The following NR3C2 variants were observed in gnomAD, a reference collection of about 807,000 sequenced individuals.
NR3C2 encodes mineralocorticoid receptor.
In NR3C2, 15 loss-of-function variants were observed where a neutral mutation model predicts 86.4. The observed-to-expected ratio is 0.17, with a 90% CI of 0.12 to 0.27. The LOEUF is 0.27. Among genes scored for constraint, NR3C2 ranks in the 10% least tolerant of loss-of-function variants. The pLI is 1.00. For synonymous variants in NR3C2, 458 were observed against 450.5 expected, an observed-to-expected ratio of 1.02 and a Z score of -0.21; for missense variants, 960 against 1,195.6, an observed-to-expected ratio of 0.80 and a Z score of 2.91.
intron 2 of NR3C2, among the ~76,000 whole-genome samples, chr4:148,412,797 G>A (rs1482361817): frequency 4.1e-5 from 6 of 146,948 alleles, no homozygotes; most frequent in Non-Finnish European, 7.5e-5. Context: ...ATGCACATAC[G>A]TGCATACACA....
chr4:148,159,510 G>T (rs1204296419), intron 4 of NR3C2, among the ~76,000 whole-genome samples: 2 of 152,124 alleles, frequency 1.3e-5, no homozygotes, highest in African/African-American at 4.8e-5. Flanking sequence ...TGCTCACCAT[G>T]ACCCTATGAT....
chr4:148,350,980 T>C (rs934195693), intron 2 of NR3C2, among the ~76,000 whole-genome samples: 4 of 152,168 alleles, frequency 2.6e-5, no homozygotes, highest in Non-Finnish European at 2.9e-5. Context: ...ATAAAATACA[T>C]GTTCATTTGA....
At chr4:148,329,866 C>T (rs1744147260) in intron 2 of NR3C2, among the ~76,000 whole-genome samples, 1 of 152,194 alleles carries the variant, frequency 6.6e-6, no homozygotes, top group South Asian at 2.1e-4. Flanking sequence ...GAAGTTATAA[C>T]TAAACATGTT....
chr4:148,241,043 C>T (rs562313304), intron 3 of NR3C2, among the ~76,000 whole-genome samples: 107 of 152,132 alleles, frequency 7.0e-4, no homozygotes, highest in Middle Eastern at 3.4e-3. Flanking sequence ...CGGTGGCTCA[C>T]GCCTGTAATC....
chr4:148,221,572 T>A (rs1033073326), intron 3 of NR3C2, among the ~76,000 whole-genome samples: 3 of 152,198 alleles, frequency 2.0e-5, no homozygotes, highest in African/African-American at 7.2e-5. Flanking sequence ...AAAACATATC[T>A]TTATTCTACT....
chr4:148,114,014 T>G (rs1181053700), intron 8 of NR3C2, 90 bp downstream of exon 8: 5 of 1,496,512 alleles, frequency 3.3e-6, no homozygotes, highest in Non-Finnish European at 4.6e-6. Flanking sequence ...CATGACACCC[T>G]GAAAACTCTC....
At chr4:148,189,469 A>G (rs1736094975) in intron 4 of NR3C2, among the ~76,000 whole-genome samples, 1 of 152,134 alleles carries the variant, frequency 6.6e-6, no homozygotes, top group Non-Finnish European at 1.5e-5. Context: ...TTTAGCATCT[A>G]TGTGCATCGG....
intron 6 of NR3C2, among the ~76,000 whole-genome samples, chr4:148,130,078 T>C (rs1340110875): frequency 2.0e-5 from 3 of 152,186 alleles, no homozygotes; most frequent in African/African-American, 7.2e-5. Flanking sequence ...TGTGTTTTTA[T>C]TGCAAGCTAT....
chr4:148,154,707 A>G lies in NR3C2; in HGVS notation c.2209T>C (p.Ser737Pro). ...ATGTTTTCAAGGACCATAACGGGGGAAGGTGTGAGCGCTCGTGAGATTGTG... is the reference window on the plus strand; with the variant it reads ...ATGTTTTCAAGGACCATAACGGGGGGAGGTGTGAGCGCTCGTGAGATTGTG... The part of the protein sequence containing the change: ...LSTISRALTP[S>P]PVMVLENIEP... Residue 737 changes from serine (S) to proline (P), a missense_variant, in exon 5 of 9, where the codon TCC (serine) becomes CCC (proline). Physicochemically the swap from Ser to Pro is moderately conservative, Grantham distance 74 (BLOSUM62 -1). Transcript: ENST00000358102. The G allele has an allele frequency of 6.2e-7, 1 of 1,612,956 alleles. No homozygotes were observed.
At chr4:148,334,647 AC>A (rs1316491114) in intron 2 of NR3C2, among the ~76,000 whole-genome samples, 11 of 152,250 alleles carry the variant, frequency 7.2e-5, no homozygotes, top group African/African-American at 2.7e-4. Flanking sequence ...AAGAAAAGGA[AC>A]AACCAATGTA....
At chr4:148,385,834 G>A (rs977447516) in intron 2 of NR3C2, among the ~76,000 whole-genome samples, 4 of 152,086 alleles carry the variant, frequency 2.6e-5, no homozygotes, top group African/African-American at 9.7e-5. Context: ...GTGTTGCTGA[G>A]GCAAGACCCC....
intron 2 of NR3C2, among the ~76,000 whole-genome samples, chr4:148,424,063 T>C (rs1749412419): frequency 6.6e-6 from 1 of 152,212 alleles, no homozygotes; most frequent in Non-Finnish European, 1.5e-5. Context: ...CTAGGTCTTC[T>C]ATCAAAAAGT....
At chr4:148,132,024 T>TA (rs1733065304) in intron 6 of NR3C2, among the ~76,000 whole-genome samples, 1 of 152,218 alleles carries the variant, frequency 6.6e-6, no homozygotes. Context: ...ATAAATCCTA[T>TA]ATATAGTATT....
intron 2 of NR3C2, among the ~76,000 whole-genome samples, chr4:148,349,166 A>T (rs956828295): frequency 6.6e-6 from 1 of 152,126 alleles, no homozygotes; most frequent in Middle Eastern, 3.2e-3. Context: ...CCTTACCATT[A>T]ACCCAGAACC....
chr4:148,127,656 ATCT>A (rs1246090541), intron 6 of NR3C2, among the ~76,000 whole-genome samples: 20 of 152,254 alleles, frequency 1.3e-4, no homozygotes, highest in Non-Finnish European at 1.5e-5. Context: ...ATTTCTAAAT[ATCT>A]TCTTATTTGC....
intron 3 of NR3C2, among the ~76,000 whole-genome samples, chr4:148,203,321 A>T (rs557722885): frequency 4.9e-5 from 7 of 141,940 alleles, no homozygotes; most frequent in Non-Finnish European, 7.7e-5. Flanking sequence ...TTCCCTATTT[A>T]AAAAAAAAAA....
chr4:148,383,559 A>G (rs1295644833), intron 2 of NR3C2, among the ~76,000 whole-genome samples: 4 of 152,226 alleles, frequency 2.6e-5, no homozygotes, highest in Non-Finnish European at 5.9e-5. Context: ...GGAATTTACC[A>G]TACCAAAATG....
chr4:148,099,854 T>C (rs774889087), intron 8 of NR3C2, among the ~76,000 whole-genome samples: 2 of 152,156 alleles, frequency 1.3e-5, no homozygotes, highest in African/African-American at 2.4e-5. Context: ...TCTAGAAACA[T>C]AGCCTGTAGG....
intron 8 of NR3C2, among the ~76,000 whole-genome samples, chr4:148,084,337 C>T (rs183039817): frequency 2.6e-5 from 4 of 152,216 alleles, no homozygotes; most frequent in African/African-American, 7.2e-5. Context: ...AGAAACCCTA[C>T]AAGCCAGAAG....
Sources: gnomAD v4.1 joint callset for allele counts (sites outside exome capture counted in the v4.1 genomes callset) on GRCh38, gnomAD v4.1.1 for gene constraint, MANE v1.5 for transcripts, NCBI Gene and HGNC (gene_info 2026-07-23, HGNC 2026-07-21) for gene names.